Variants in FAM240A observed in about 807,000 individuals in gnomAD.
The protein encoded by FAM240A is protein FAM240A.
FAM240A carries 8 observed loss-of-function variants against 7.3 expected under a neutral mutation model. The observed-to-expected ratio is 1.09, with a 90% CI of 0.64 to 1.97. FAM240A has a LOEUF of 1.97. Ranked by LOEUF, FAM240A falls within the 30% of genes most tolerant of loss-of-function variation. The pLI, the probability that FAM240A is intolerant of heterozygous loss-of-function variation, is 0.00. For missense variants in FAM240A, 90 were observed against 102.2 expected (o/e 0.88, Z 0.52); for synonymous variants, 32 against 35.9 (o/e 0.89, Z 0.38).
intron 2 of FAM240A, among the ~76,000 whole-genome samples, chr3:46,623,792 A>G (rs1184400391): frequency 6.6e-6 from 1 of 152,212 alleles, no homozygotes; most frequent in Admixed American, 6.5e-5. Flanking sequence ...TCTTATAAGC[A>G]GTATATATTT....
chr3:46,615,846 G>GCACACA (rs201281577), intron 1 of FAM240A, among the ~76,000 whole-genome samples: 7,186 of 148,712 alleles, frequency 0.048, 199 homozygotes, highest in Non-Finnish European at 0.068. Context: ...CCACATGTGT[G>GCACACA]CACGCACACA....
chr3:46,617,157 A>T (rs1575384893), intron 1 of FAM240A, 26 bp from the exon 2 acceptor site: 1 of 1,474,594 alleles, frequency 6.8e-7, no homozygotes, highest in Admixed American at 2.3e-5. Context: ...TTTTTTGGTT[A>T]TTTGTATGGC....
At chr3:46,623,567 A>T (rs1697721150) in intron 2 of FAM240A, among the ~76,000 whole-genome samples, 1 of 152,088 alleles carries the variant, frequency 6.6e-6, no homozygotes, top group African/African-American at 2.4e-5. Context: ...AAGTTCTGTT[A>T]TTAGGTACAA....
chr3:46,616,098 C>T (rs917520946), intron 1 of FAM240A, among the ~76,000 whole-genome samples: 33 of 152,188 alleles, frequency 2.2e-4, no homozygotes, highest in African/African-American at 6.5e-4. Context: ...AGTTGAGAAA[C>T]GATTCTTCTG....
Position 46,615,460 on chromosome 3 carries a change from C to T in FAM240A, c.16-1723C>T, listed in dbSNP as rs551957510. Among the ~76,000 whole-genome samples the T allele has an allele frequency of 1.2e-4, 18 of 152,290 alleles. No individual in the cohort carries two copies. In the South Asian group the frequency reaches 1.7e-3, roughly 14 times the overall value. On this transcript the variant is annotated intron_variant, in intron 1 of 2. Transcript: ENST00000640551. ...CACTCTTCATCATCTTTGCCCCTCC[C>T]GTCCTGGTCACAGCATCGCTCTGGG...
Position 46,617,213 on chromosome 3 carries a change from G to A in FAM240A, c.46G>A (p.Val16Ile), listed in dbSNP as rs1163653316. 1 of 1,534,608 alleles carries A rather than the reference G, an allele frequency of 6.5e-7. No homozygotes were observed. The highest frequency in any genetic ancestry group is 1.4e-5 in the African/African-American group (1 of 72,956). ...GMNNQYTRRE[V>I]FCRNTCHDLK... ...GAACAATCAATACACCCGTCGGGAGGTCTTCTGCCGGAACACCTGCCATGA... is the reference window on the plus strand; with the variant it reads ...GAACAATCAATACACCCGTCGGGAGATCTTCTGCCGGAACACCTGCCATGA... Residue 16 changes from valine (V) to isoleucine (I), a missense_variant, in exon 2 of 3, where the codon GTC becomes ATC. By Grantham distance (29) the Val-to-Ile change is conservative (BLOSUM62 3). Coordinates refer to ENST00000640551, the MANE Select transcript of FAM240A (RefSeq NM_001195442.2).
intron 2 of FAM240A, among the ~76,000 whole-genome samples, chr3:46,621,480 A>G (rs1254236359): frequency 6.6e-6 from 1 of 152,196 alleles, no homozygotes; most frequent in Non-Finnish European, 1.5e-5. Flanking sequence ...TAAACAGCAC[A>G]TAGTTGTCTG....
intron 1 of FAM240A, among the ~76,000 whole-genome samples, chr3:46,613,418 C>T (rs1321432289): frequency 6.6e-6 from 1 of 151,866 alleles, no homozygotes; most frequent in Non-Finnish European, 1.5e-5. Context: ...CACTTGAACC[C>T]AGGAGGTGGA....
At chr3:46,622,848 T>C (rs946583771) in intron 2 of FAM240A, among the ~76,000 whole-genome samples, 2 of 152,248 alleles carry the variant, frequency 1.3e-5, no homozygotes, top group African/African-American at 4.8e-5. Context: ...TATCCTAGGT[T>C]ATCTGCATTT....
At chr3:46,615,068 C>T (rs17222065) in intron 1 of FAM240A, among the ~76,000 whole-genome samples, 2 of 152,088 alleles carry the variant, frequency 1.3e-5, no homozygotes, top group Non-Finnish European at 2.9e-5. Context: ...AGAAAACTGA[C>T]GCCAGGAGAA....
At chr3:46,613,120 T>C (rs1010981329) in intron 1 of FAM240A, among the ~76,000 whole-genome samples, 3 of 152,248 alleles carry the variant, frequency 2.0e-5, no homozygotes, top group Admixed American at 6.5e-5. Context: ...GAATAACTTA[T>C]GTGTAGTGAA....
At chr3:46,620,135 T>C (rs1697678266) in intron 2 of FAM240A, among the ~76,000 whole-genome samples, 1 of 151,766 alleles carries the variant, frequency 6.6e-6, no homozygotes, top group Admixed American at 6.6e-5. Flanking sequence ...CCTCTTCCCA[T>C]GCTAGTCCTT....
At chr3:46,618,875 A>G (rs9713583) in intron 2 of FAM240A, among the ~76,000 whole-genome samples, 16 of 46,132 alleles carry the variant, frequency 3.5e-4, no homozygotes, top group Middle Eastern at 8.1e-3. Context: ...ATGTATATAT[A>G]TATATATACA....
chr3:46,612,818 A>G, intron 1 of FAM240A, 120 bp downstream of exon 1: 2 of 791,388 alleles, frequency 2.5e-6, no homozygotes, highest in East Asian at 2.7e-5. Flanking sequence ...TCTCAAGTAC[A>G]AGATTAGATG....
chr3:46,613,909 ATTTG>A (rs146493522), intron 1 of FAM240A, among the ~76,000 whole-genome samples: 131 of 151,834 alleles, frequency 8.6e-4, no homozygotes, highest in East Asian at 6.4e-3. Context: ...GGTATTAGAT[ATTTG>A]TTTGTTTGTT....
intron 2 of FAM240A, among the ~76,000 whole-genome samples, chr3:46,623,630 A>G (rs9836993): frequency 0.11 from 16,985 of 152,166 alleles, 1,170 homozygotes; most frequent in East Asian, 0.33. Context: ...TTATTGCAAA[A>G]TGACCCTCTT....
chr3:46,617,224 G>A lies in FAM240A; in HGVS notation c.57G>A (p.Arg19=). ...NQYTRREVFC[R]NTCHDLKHFW... ...ACACCCGTCGGGAGGTCTTCTGCCG[G>A]AACACCTGCCATGATCTCAAGCATT... Residue 19 remains arginine, a synonymous_variant, in exon 2 of 3, where the codon CGG becomes CGA. Transcript: ENST00000640551. The A allele has an allele frequency of 6.5e-7, 1 of 1,535,046 alleles. No individual in the cohort carries two copies. Among genetic ancestry groups the A allele is most frequent in the Non-Finnish European group, 8.7e-7 (1 of 1,146,436 alleles).
At chr3:46,617,732 G>A (rs1325634159) in intron 2 of FAM240A, among the ~76,000 whole-genome samples, 1 of 152,132 alleles carries the variant, frequency 6.6e-6, no homozygotes, top group East Asian at 1.9e-4. Context: ...CAGGGGTGGG[G>A]GTACAAACAC....
At chr3:46,614,898 GTCCCTATGCCAGACTAATGAA>G (rs1164838776) in intron 1 of FAM240A, among the ~76,000 whole-genome samples, 3 of 152,174 alleles carry the variant, frequency 2.0e-5, no homozygotes, top group Non-Finnish European at 4.4e-5. Flanking sequence ...GACTAATGAT[GTCCCTATGCCAGACTAATGAA>G]TCCCTATGCC....
Sources: gnomAD v4.1 joint callset for allele counts (sites outside exome capture counted in the v4.1 genomes callset) on GRCh38, gnomAD v4.1.1 for gene constraint, MANE v1.5 for transcripts, NCBI Gene and HGNC (gene_info 2026-07-23, HGNC 2026-07-21) for gene names.